The following KIAA0825 variants were observed in gnomAD, a reference collection of about 807,000 sequenced individuals.
The protein encoded by KIAA0825 is KIAA0825.
KIAA0825 carries 119 observed loss-of-function variants against 147.6 expected under a neutral mutation model. The ratio of observed to expected loss-of-function variants is 0.81; its 90% CI spans 0.69 to 0.94. The LOEUF is 0.94. Among genes scored for constraint, KIAA0825 ranks in the 40% least tolerant of loss-of-function variants. The probability of loss-of-function intolerance (pLI) is 0.00; values close to 1 mark genes in which losing one functional copy is unlikely to be tolerated. For missense variants in KIAA0825, 1,381 were observed against 1,472.7 expected, an observed-to-expected ratio of 0.94 and a Z score of 1.02; for synonymous variants, 470 against 518.1, an observed-to-expected ratio of 0.91 and a Z score of 1.26.
chr5:94,584,694 A>G lies in KIAA0825; in HGVS notation c.-152-2111T>C, dbSNP rs556684904. ...AAATTCAAGAAATACAGAGAACACC[A>G]CATAGATACTCCTCGAGAAGAGCAA... On this transcript the variant is annotated intron_variant, in intron 1 of 20. Transcript: ENST00000682413. 4.6e-5 allele frequency among the ~76,000 whole-genome samples: 7 copies of G among 152,282 alleles called. No individual in the cohort carries two copies. In the South Asian group the frequency reaches 1.5e-3, roughly 32 times the overall value.
intron 8 of KIAA0825, among the ~76,000 whole-genome samples, chr5:94,472,999 A>G (rs1385760579): frequency 6.6e-6 from 1 of 152,176 alleles, no homozygotes; most frequent in African/African-American, 2.4e-5. Context: ...GGAGTCATTC[A>G]AACGTATAAT....
At chr5:94,307,036 C>G (rs1778788796) in intron 20 of KIAA0825, among the ~76,000 whole-genome samples, 1 of 151,788 alleles carries the variant, frequency 6.6e-6, no homozygotes. Flanking sequence ...GCTACTCATT[C>G]CCTCAAGATT....
Position 94,593,395 on chromosome 5 carries a change from GAAC to G in KIAA0825, c.-152-10815_-152-10813del, listed in dbSNP as rs879789618. 3.4e-5 allele frequency: 33 copies of G among 983,600 alleles called. No individual in the cohort carries two copies. In the Admixed American group the frequency reaches 6.4e-4, roughly 19 times the overall value. The allele number at this position is 983,600 out of a possible 1,614,324, so 60.9% of individuals were successfully genotyped here. On this transcript the variant is annotated intron_variant, in intron 1 of 20. Coordinates refer to ENST00000682413, the MANE Select transcript of KIAA0825 (RefSeq NM_001145678.3). ...TTCTTTAATATCACGACATTTTCAAGAACAACTGGTGAACAAAACGGAACTTGT... is the reference window on the plus strand; with the variant it reads ...TTCTTTAATATCACGACATTTTCAAGAACTGGTGAACAAAACGGAACTTGT...
intron 20 of KIAA0825, among the ~76,000 whole-genome samples, chr5:94,260,130 A>G (rs186354317): frequency 4.0e-4 from 61 of 152,238 alleles, no homozygotes; most frequent in Non-Finnish European, 7.2e-4. Context: ...CACCAGGACT[A>G]CTGTTCCTAG....
chr5:94,422,857 G>A (rs1754376803), intron 14 of KIAA0825, among the ~76,000 whole-genome samples: 1 of 152,114 alleles, frequency 6.6e-6, no homozygotes, highest in Non-Finnish European at 1.5e-5. Context: ...TCCCATTAGA[G>A]CAACATCTAA....
chr5:94,558,957 A>C (rs1777066605), intron 2 of KIAA0825, among the ~76,000 whole-genome samples: 1 of 152,172 alleles, frequency 6.6e-6, no homozygotes, highest in South Asian at 2.1e-4. Flanking sequence ...TTTGTCATCC[A>C]TCATACTTCT....
chr5:94,465,092 T>A, intron 10 of KIAA0825, 33 bp from the exon 11 acceptor site: 2 of 1,526,404 alleles, frequency 1.3e-6, no homozygotes, highest in Non-Finnish European at 1.8e-6. Context: ...AACCATAGAG[T>A]TACATCTTCT....
intron 5 of KIAA0825, among the ~76,000 whole-genome samples, chr5:94,502,897 T>C (rs986711094): frequency 5.3e-5 from 8 of 151,792 alleles, no homozygotes; most frequent in African/African-American, 1.9e-4. Context: ...TCACTTGAAG[T>C]CAGGAGTTTG....
At chr5:94,221,320 T>C (rs1773649842) in intron 20 of KIAA0825, among the ~76,000 whole-genome samples, 1 of 152,152 alleles carries the variant, frequency 6.6e-6, no homozygotes, top group South Asian at 2.1e-4. Context: ...CAAAACTTTA[T>C]AGACTCGAAG....
chr5:94,517,374 C>A (rs1229193484), intron 5 of KIAA0825, among the ~76,000 whole-genome samples: 2 of 151,954 alleles, frequency 1.3e-5, no homozygotes, highest in African/African-American at 4.8e-5. Context: ...CTTGTAAAGT[C>A]TTATACATAT....
Position 94,380,333 on chromosome 5 carries a change from C to T in KIAA0825, c.3710+4035G>A, listed in dbSNP as rs577171520. On this transcript the variant is annotated intron_variant, in intron 20 of 20. Coordinates refer to ENST00000682413, the MANE Select transcript of KIAA0825 (RefSeq NM_001145678.3). The stretch of plus-strand genomic sequence containing the variant: ...CTACATGTCTATTAACCAAACATCA[C>T]ATAAGAATACCTACCCTGTGCTCAT... 2.6e-5 allele frequency among the ~76,000 whole-genome samples: 4 copies of T among 152,330 alleles called. No homozygotes were observed. The South Asian group carries it at 8.3e-4, about 32-fold the overall frequency.
In KIAA0825 at chr5:94,523,242, A is replaced by G. The variant is rs79963109; in HGVS notation, c.300+688T>C. ...TTTTTCCCTAAATTAAATTAAAACC[A>G]TAGCTACAGAAGTACTGCTTTCTAA... On this transcript the variant is annotated intron_variant, in intron 4 of 20. Transcript: ENST00000682413. Among the ~76,000 whole-genome samples the G allele has an allele frequency of 2.0e-3, 305 of 151,746 alleles. 1 individual carries two copies. The highest frequency in any genetic ancestry group is 7.1e-3 in the African/African-American group (296 of 41,544).
At chr5:94,440,262 A>G in intron 13 of KIAA0825, 141 bp from the exon 14 acceptor site, 3 of 894,566 alleles carry the variant, frequency 3.4e-6, no homozygotes, top group Admixed American at 6.3e-5. Context: ...ATGCTTGCTT[A>G]CTTTAGGGTT....
At chr5:94,486,035 T>C (rs1186096644) in intron 5 of KIAA0825, among the ~76,000 whole-genome samples, 1 of 151,938 alleles carries the variant, frequency 6.6e-6, no homozygotes, top group African/African-American at 2.4e-5. Flanking sequence ...TTTAAGAGTA[T>C]GGAGAATAAT....
At chr5:94,236,665 AT>A (rs1261835600) in intron 20 of KIAA0825, among the ~76,000 whole-genome samples, 2 of 152,198 alleles carry the variant, frequency 1.3e-5, no homozygotes, top group African/African-American at 4.8e-5. Flanking sequence ...AAAGGAAGTC[AT>A]TTGATGTGAC....
chr5:94,448,990 G>C (rs149032600), intron 13 of KIAA0825, among the ~76,000 whole-genome samples: 22 of 152,146 alleles, frequency 1.4e-4, no homozygotes, highest in African/African-American at 5.3e-4. Context: ...AGATTATATG[G>C]ACTTAGTTGA....
At chr5:94,389,364 C>T in intron 18 of KIAA0825, among the ~76,000 whole-genome samples, 1 of 152,216 alleles carries the variant, frequency 6.6e-6, no homozygotes, top group East Asian at 1.9e-4. Flanking sequence ...AACCCCATGT[C>T]TTGTGGGCCA....
intron 5 of KIAA0825, among the ~76,000 whole-genome samples, chr5:94,516,575 G>T (rs1017468005): frequency 6.6e-6 from 1 of 151,360 alleles, no homozygotes; most frequent in Non-Finnish European, 1.5e-5. Context: ...AGGCCGAGGC[G>T]GGCGGATCAC....
Position 94,452,948 on chromosome 5 carries a change from G to T in KIAA0825, c.2357+11C>A. ...AGAATTATAGATAGTATGGCATTTA[G>T]AGGCTCTCACCTGAGTAAAGAAGGG... On this transcript the variant is annotated intron_variant, in intron 13 of 20. Coordinates refer to ENST00000682413, the MANE Select transcript of KIAA0825 (RefSeq NM_001145678.3). 1 of 1,345,696 alleles carries T rather than the reference G, an allele frequency of 7.4e-7. No homozygotes were observed. The highest frequency in any genetic ancestry group is 1.0e-6 in the Non-Finnish European group (1 of 1,002,440). The allele number at this position is 1,345,696 out of a possible 1,614,324, so 83.4% of individuals were successfully genotyped here.
Sources: allele counts gnomAD v4.1 joint callset (sites outside exome capture counted in the v4.1 genomes callset), GRCh38; gene constraint gnomAD v4.1.1; transcripts MANE v1.5; gene names NCBI Gene and HGNC (gene_info 2026-07-23, HGNC 2026-07-21).